The following SLK variants were observed in gnomAD, a reference collection of about 807,000 sequenced individuals.
SLK encodes the protein STE20-like serine/threonine-protein kinase.
A neutral mutation model predicts 147.7 loss-of-function variants in SLK; 67 were observed. The observed-to-expected ratio is 0.45, with a 90% confidence interval of 0.37 to 0.56. The LOEUF is 0.56. Ranked by LOEUF, SLK falls within the 20% of genes least tolerant of loss-of-function variation. The probability of loss-of-function intolerance (pLI) is 0.00; values close to 1 mark genes in which losing one functional copy is unlikely to be tolerated. For missense variants in SLK, 1,136 were observed against 1,438.8 expected, an observed-to-expected ratio of 0.79 and a Z score of 3.41; for synonymous variants, 441 against 475.0, an observed-to-expected ratio of 0.93 and a Z score of 0.93.
At chr10:103,996,444 G>A (rs1844174963) in intron 4 of SLK, among the ~76,000 whole-genome samples, 1 of 146,214 alleles carries the variant, frequency 6.8e-6, no homozygotes, top group African/African-American at 2.6e-5. Context: ...TTTCACCCAG[G>A]CCGGACTGCA....
chr10:104,001,349 T>C, intron 7 of SLK, 95 bp from the exon 8 acceptor site: 1 of 976,786 alleles, frequency 1.0e-6, no homozygotes, highest in East Asian at 2.4e-5. Flanking sequence ...CACATGTTCA[T>C]ATTTTTTACC....
At chr10:103,970,337 T>A (rs1416836387) in intron 1 of SLK, among the ~76,000 whole-genome samples, 1 of 152,232 alleles carries the variant, frequency 6.6e-6, no homozygotes, top group South Asian at 2.1e-4. Context: ...TTCTGCAAAA[T>A]GTGATCTATC....
rs1018141339 is a variant in SLK at position 104,026,495 on chromosome 10, A to G, written c.*775A>G. On this transcript the variant is annotated 3_prime_UTR_variant, in exon 19 of 19. Transcript: ENST00000369755. ...AATTTTCATCCTAAAATACATGTAC[A>G]AAGTTTGGAAAGATGAAAAAAAGAG... 1 of 152,364 alleles carries G rather than the reference A, an allele frequency of 6.6e-6. No individual in the cohort carries two copies. Among genetic ancestry groups the G allele is most frequent in the African/African-American group, 2.4e-5 (1 of 41,448 alleles). 9.4% of individuals were successfully genotyped at this position (152,364 alleles called of 1,614,324 possible).
intron 17 of SLK, 86 bp downstream of exon 17, chr10:104,020,699 C>A: frequency 7.2e-7 from 1 of 1,390,386 alleles, no homozygotes; most frequent in South Asian, 1.3e-5. Flanking sequence ...TAGCCAAAGT[C>A]AACTGCATCA....
intron 1 of SLK, among the ~76,000 whole-genome samples, chr10:103,970,149 G>A (rs766445210): frequency 1.5e-4 from 23 of 152,150 alleles, no homozygotes; most frequent in Non-Finnish European, 2.9e-5. Context: ...TAAGGCACAT[G>A]GAAAGGGCTC....
chr10:104,003,456 A>G lies in SLK; in HGVS notation c.2278A>G (p.Ser760Gly). The change falls in exon 9 of 19, where the codon AGT becomes GGT. Residue 760 changes from serine (S) to glycine (G), a missense_variant. By Grantham distance (56) the Ser-to-Gly change is moderately conservative. Around this residue, in one of 6 missense-constraint regions of SLK, gnomAD observed 516 missense variants for 531.3 expected, o/e 0.97. Transcript: ENST00000369755. ...SGTGSTADTS[S>G]IDLNLSISSF... ...CACTGGTTCCACTGCTGATACTAGC[A>G]GTATTGACTTGAATTTATCCATCTC... The G allele has an allele frequency of 2.5e-6, 4 of 1,610,832 alleles. No homozygotes were observed. Among genetic ancestry groups the G allele is most frequent in the East Asian group, 4.5e-5 (2 of 44,854 alleles).
intron 18 of SLK, among the ~76,000 whole-genome samples, chr10:104,024,063 A>G (rs894345783): frequency 6.6e-6 from 1 of 152,094 alleles, no homozygotes; most frequent in Admixed American, 6.6e-5. Context: ...ACTCACCATC[A>G]GATGTTCTTT....
intron 1 of SLK, 75 bp downstream of exon 1, chr10:103,967,970 G>A (rs1239552156): frequency 2.1e-6 from 3 of 1,459,170 alleles, no homozygotes; most frequent in Non-Finnish European, 2.9e-6. Flanking sequence ...GAGGACTTCT[G>A]CTCCCCTGGT....
rs145155087 is a variant in SLK at position 104,026,859 on chromosome 10, C to T, written c.*1139C>T. 1 of 152,130 alleles carries T rather than the reference C, an allele frequency of 6.6e-6. No individual in the cohort carries two copies. The highest frequency in any genetic ancestry group is 1.9e-4 in the East Asian group (1 of 5,194). The allele number at this position is 152,130 out of a possible 1,614,324, so 9.4% of individuals were successfully genotyped here. Reference sequence around the variant, plus strand: ...TTTTGTTCCATGTTTAAATCATTCACTTTGATTTGAGTGGGAAAAGCCTGA... The same window carrying T: ...TTTTGTTCCATGTTTAAATCATTCATTTTGATTTGAGTGGGAAAAGCCTGA... On this transcript the variant is annotated 3_prime_UTR_variant, in exon 19 of 19. Coordinates refer to ENST00000369755, the MANE Select transcript of SLK (RefSeq NM_014720.4).
chr10:103,991,740 G>A (rs1322768390), intron 2 of SLK, among the ~76,000 whole-genome samples: 3 of 151,830 alleles, frequency 2.0e-5, no homozygotes, highest in African/African-American at 4.8e-5. Flanking sequence ...ATTATGCTGA[G>A]GGAAAAAAGG....
chr10:103,980,245 T>C (rs1327182825), intron 1 of SLK, among the ~76,000 whole-genome samples: 1 of 152,220 alleles, frequency 6.6e-6, no homozygotes, highest in Non-Finnish European at 1.5e-5. Flanking sequence ...TTATTAATGC[T>C]TATTTTGAAA....
chr10:104,003,056 C>G lies in SLK; in HGVS notation c.1878C>G (p.Asn626Lys). 1.2e-6 allele frequency: 2 copies of G among 1,613,832 alleles called. No homozygotes were observed. The highest frequency in any genetic ancestry group is 1.7e-6 in the Non-Finnish European group (2 of 1,179,860). ...NKEQAINSSENIMDINEEPGT... is the reference protein window; with the variant it reads ...NKEQAINSSEKIMDINEEPGT... ...AACAAGCAATAAACAGTTCAGAGAA[C>G]ATAATGGACATCAATGAGGAACCAG... The change falls in exon 9 of 19, where the codon AAC becomes AAG. Residue 626 changes from asparagine (N) to lysine (K), a missense_variant. By Grantham distance (94) the Asn-to-Lys change is moderately conservative. Around this residue, in one of 6 missense-constraint regions of SLK, gnomAD observed 516 missense variants for 531.3 expected, o/e 0.97. Coordinates refer to ENST00000369755, the MANE Select transcript of SLK (RefSeq NM_014720.4).
In SLK at chr10:104,001,999, T is replaced by C. The variant is rs180714911; in HGVS notation, c.994-173T>C. Among the ~76,000 whole-genome samples, 630 of 152,250 alleles carry C rather than the reference T, an allele frequency of 4.1e-3. 3 individuals are homozygous for C. The highest frequency in any genetic ancestry group is 0.015 in the African/African-American group (606 of 41,546). On this transcript the variant is annotated intron_variant, in intron 8 of 18. Transcript: ENST00000369755. ...CCAAAGTGCTGGGATTACAGGTGTG[T>C]GCCACCGCACCCGGCCCATTTTTGT... is the stretch of plus-strand genomic sequence containing the variant.
At position 103,967,633 on chromosome 10, in the gene SLK, GA is replaced by G; in HGVS notation, c.-112del. 1 of 901,988 alleles carries G rather than the reference GA, an allele frequency of 1.1e-6. No homozygotes were observed. Among genetic ancestry groups the G allele is most frequent in the East Asian group, 4.0e-5 (1 of 25,144 alleles). The allele number at this position is 901,988 out of a possible 1,614,324, so 55.9% of individuals were successfully genotyped here. On this transcript the variant is annotated 5_prime_UTR_variant, in exon 1 of 19. Transcript: ENST00000369755. Reference sequence around the variant, plus strand: ...CCGGCCGGAGCTGCGGGGGCCGAGGGACGCCGCGCCCGCCGCCGCCAGCCGG... The same window carrying G: ...CCGGCCGGAGCTGCGGGGGCCGAGGGCGCCGCGCCCGCCGCCGCCAGCCGG...
At chr10:103,969,196 C>A (rs957599011) in intron 1 of SLK, among the ~76,000 whole-genome samples, 1 of 151,962 alleles carries the variant, frequency 6.6e-6, no homozygotes, top group South Asian at 2.1e-4. Flanking sequence ...CTTGAACTCC[C>A]GACCTCAGGT....
chr10:103,969,693 G>A (rs1194969459), intron 1 of SLK, among the ~76,000 whole-genome samples: 1 of 152,224 alleles, frequency 6.6e-6, no homozygotes, highest in Non-Finnish European at 1.5e-5. Flanking sequence ...CTTCATTGTA[G>A]TGGGAAGATC....
At chr10:103,977,030 A>G (rs1045783993) in intron 1 of SLK, among the ~76,000 whole-genome samples, 2 of 152,104 alleles carry the variant, frequency 1.3e-5, no homozygotes, top group African/African-American at 4.8e-5. Flanking sequence ...ACATTGCCAA[A>G]TGTCTCCTGG....
intron 1 of SLK, among the ~76,000 whole-genome samples, chr10:103,977,368 T>C (rs191778524): frequency 6.6e-6 from 1 of 152,326 alleles, no homozygotes; most frequent in East Asian, 1.9e-4. Flanking sequence ...CCCAGCACTT[T>C]ATAAGTTTGA....
At chr10:104,020,706 A>C in intron 17 of SLK, 93 bp downstream of exon 17, 1 of 1,342,050 alleles carries the variant, frequency 7.5e-7, no homozygotes, top group Non-Finnish European at 1.0e-6. Flanking sequence ...AGTCAACTGC[A>C]TCATACACGA....
Sources: allele counts gnomAD v4.1 joint callset (sites outside exome capture counted in the v4.1 genomes callset), GRCh38; gene constraint gnomAD v4.1.1; regional missense constraint gnomAD v4.1.1; transcripts MANE v1.5; gene names NCBI Gene and HGNC (gene_info 2026-07-23, HGNC 2026-07-21).